Variants in RAD51AP1 observed in about 807,000 individuals in gnomAD.
RAD51AP1 encodes RAD51-associated protein 1.
In RAD51AP1, 14 loss-of-function variants were observed where a neutral mutation model predicts 34.3. The observed-to-expected ratio is 0.41, with a 90% CI of 0.27 to 0.64. The LOEUF (loss-of-function observed/expected upper bound fraction) is 0.64, where lower values mean the gene tolerates loss of function less well. RAD51AP1 is among the 30% of genes least tolerant of loss of function. The pLI, the probability that RAD51AP1 is intolerant of heterozygous loss-of-function variation, is 0.33. For missense variants in RAD51AP1, 348 were observed against 386.9 expected (o/e 0.90, Z 0.84); for synonymous variants, 114 against 129.8 (o/e 0.88, Z 0.83).
intron 2 of RAD51AP1, among the ~76,000 whole-genome samples, chr12:4,542,735 G>C (rs1944476642): frequency 6.6e-6 from 1 of 152,186 alleles, no homozygotes; most frequent in Non-Finnish European, 1.5e-5. Context: ...AGACTGCATA[G>C]ACCCTGAAAG....
chr12:4,540,036 A>C (rs1054387810), intron 1 of RAD51AP1, among the ~76,000 whole-genome samples: 1 of 152,270 alleles, frequency 6.6e-6, no homozygotes, highest in South Asian at 2.1e-4. Context: ...ATTAGTGGGC[A>C]TGGAATGGAA....
At chr12:4,554,527 G>A (rs1944569327) in intron 7 of RAD51AP1, among the ~76,000 whole-genome samples, 1 of 152,104 alleles carries the variant, frequency 6.6e-6, no homozygotes, top group Admixed American at 6.5e-5. Context: ...AATATATTTT[G>A]TATTTTCTTT....
chr12:4,539,497 G>A (rs1186878247), intron 1 of RAD51AP1, among the ~76,000 whole-genome samples: 1 of 152,152 alleles, frequency 6.6e-6, no homozygotes, highest in Non-Finnish European at 1.5e-5. Context: ...ATTTAATAAA[G>A]TTATTGAATA....
chr12:4,549,674 A>T (rs567563398), intron 6 of RAD51AP1, among the ~76,000 whole-genome samples: 1 of 152,188 alleles, frequency 6.6e-6, no homozygotes. Flanking sequence ...TTGAGCGCCA[A>T]TGTGATGCTT....
At position 4,558,927 on chromosome 12, in the gene RAD51AP1, T is replaced by G. The variant is rs1944601792; in HGVS notation, c.942T>G (p.Ser314Arg). The G allele has an allele frequency of 1.2e-6, 2 of 1,614,102 alleles. No homozygotes were observed. The highest frequency in any genetic ancestry group is 1.7e-6 in the Non-Finnish European group (2 of 1,179,976). Reference protein sequence around the residue: ...VVVSVKSPNQSLRLGLSRLAR... With the variant: ...VVVSVKSPNQRLRLGLSRLAR... Reference sequence around the variant, plus strand: ...TGTCTGTGAAGTCTCCCAATCAGAGTCTCCGCCTTGGCTTGTCCAGATTAG... The same window carrying G: ...TGTCTGTGAAGTCTCCCAATCAGAGGCTCCGCCTTGGCTTGTCCAGATTAG... The change falls in exon 9 of 9, where the codon AGT becomes AGG. Residue 314 changes from serine to arginine, a missense_variant. By Grantham distance (110) the Ser-to-Arg change is moderately radical. Transcript: ENST00000352618.
In RAD51AP1 at chr12:4,545,693, T is replaced by C. The variant is rs1944500902; in HGVS notation, c.210-616T>C. The C allele has an allele frequency of 2.8e-6, 4 of 1,422,020 alleles. No individual in the cohort carries two copies. The Admixed American group carries it at 6.0e-5, about 21-fold the overall frequency. The allele number at this position is 1,422,020 out of a possible 1,614,324, so 88.1% of individuals were successfully genotyped here. A position where few individuals can be genotyped will look rare whatever the true frequency, so the allele number is the denominator to read the frequency against. On this transcript the variant is annotated intron_variant, in intron 3 of 8. Transcript: ENST00000352618. The stretch of plus-strand genomic sequence containing the variant: ...TTCCTCTTATACTCCATAGCACTTT[T>C]GAGCAGCTTGAATAGGACTTTATAG...
chr12:4,541,781 A>G, intron 1 of RAD51AP1, 103 bp from the exon 2 acceptor site: 1 of 353,656 alleles, frequency 2.8e-6, no homozygotes, highest in Non-Finnish European at 4.9e-6. Context: ...TTATTAATAA[A>G]TGAATAATAT....
chr12:4,546,440 T>G, intron 4 of RAD51AP1, 22 bp downstream of exon 4: 1 of 1,537,130 alleles, frequency 6.5e-7, no homozygotes, highest in Non-Finnish European at 9.0e-7. Flanking sequence ...TTCTGTATAT[T>G]TAGCTTTAAA....
chr12:4,540,570 AT>A (rs1312428597), intron 1 of RAD51AP1, among the ~76,000 whole-genome samples: 4 of 151,872 alleles, frequency 2.6e-5, no homozygotes, highest in South Asian at 4.2e-4. Context: ...AAAAAAAAAA[AT>A]CATTTCAGTT....
chr12:4,548,160 G>A lies in RAD51AP1; in HGVS notation c.388G>A (p.Val130Ile). ...GTCTCCTCATATCTCTAATTGCAGT[G>A]TAGCCAGTGATTATTTAGGTAAGTT... The part of the protein sequence containing the change: ...NKSPHISNCS[V>I]ASDYLDLDKI... The change falls in exon 5 of 9, where the codon GTA becomes ATA. Residue 130 changes from valine to isoleucine, a missense_variant. Physicochemically the swap from Val to Ile is conservative, Grantham distance 29. Transcript: ENST00000352618. 2 of 1,599,834 alleles carry A rather than the reference G, an allele frequency of 1.3e-6. No homozygotes were observed. The highest frequency in any genetic ancestry group is 1.4e-5 in the African/African-American group (1 of 74,052).
chr12:4,553,142 C>A lies in RAD51AP1; in HGVS notation c.716C>A (p.Ala239Asp). 6.4e-7 allele frequency: 1 copy of A among 1,570,372 alleles called. No homozygotes were observed. The highest frequency in any genetic ancestry group is 1.2e-5 in the South Asian group (1 of 83,670). ...AAGAAATCTAAATCCAAATGTAATG[C>A]TTTGGGTAAGCTTGGTCCAAAACAC... Reference protein sequence around the residue: ...KEKKSKSKCNALVTSVDSAPA... With the variant: ...KEKKSKSKCNDLVTSVDSAPA... Residue 239 changes from alanine to aspartate, a missense_variant, in exon 7 of 9, where the codon GCT (alanine) becomes GAT (aspartate). Transcript: ENST00000352618.
intron 2 of RAD51AP1, 128 bp from the exon 3 acceptor site, chr12:4,543,635 C>A: frequency 1.6e-6 from 1 of 608,180 alleles, no homozygotes; most frequent in Non-Finnish European, 2.7e-6. Flanking sequence ...AAAATACTAA[C>A]AATGATTTTT....
At chr12:4,544,025 G>T in intron 3 of RAD51AP1, 121 bp downstream of exon 3, 3 of 754,506 alleles carry the variant, frequency 4.0e-6, no homozygotes, top group Non-Finnish European at 5.9e-6. Context: ...ATTTTACTAG[G>T]TGCAGTCAGA....
intron 7 of RAD51AP1, among the ~76,000 whole-genome samples, chr12:4,555,036 G>A (rs760674813): frequency 2.6e-5 from 4 of 152,176 alleles, no homozygotes; most frequent in Non-Finnish European, 5.9e-5. Context: ...CCATCAGACA[G>A]TGCTGATCTA....
chr12:4,545,251 T>C (rs189048617), intron 3 of RAD51AP1: 313 of 449,932 alleles, frequency 7.0e-4, no homozygotes, highest in African/African-American at 5.6e-3. Flanking sequence ...ATAACTGATA[T>C]ATACTGCAAT....
chr12:4,546,539 C>A (rs1429427549), intron 4 of RAD51AP1, 121 bp downstream of exon 4: 6 of 627,670 alleles, frequency 9.6e-6, no homozygotes, highest in African/African-American at 3.7e-5. Context: ...TATAAATAGA[C>A]CCATTTGCAG....
At chr12:4,547,917 T>A (rs1471949606) in intron 4 of RAD51AP1, among the ~76,000 whole-genome samples, 175 bp from the exon 5 acceptor site, 2 of 152,204 alleles carry the variant, frequency 1.3e-5, no homozygotes, top group Non-Finnish European at 2.9e-5. Context: ...ATGTTAGATT[T>A]CAGAGCCCAG....
chr12:4,543,244 A>G (rs2137246657), intron 2 of RAD51AP1, among the ~76,000 whole-genome samples: 1 of 152,258 alleles, frequency 6.6e-6, no homozygotes, highest in East Asian at 1.9e-4. Context: ...ATTTTTTAGT[A>G]GAGACAGGGT....
intron 1 of RAD51AP1, among the ~76,000 whole-genome samples, chr12:4,540,221 A>T (rs1490807409): frequency 6.6e-6 from 1 of 152,084 alleles, no homozygotes; most frequent in African/African-American, 2.4e-5. Flanking sequence ...GAAGGTTAGG[A>T]GGTGTGAGGG....
Sources: gnomAD v4.1 joint callset for allele counts (sites outside exome capture counted in the v4.1 genomes callset) on GRCh38, gnomAD v4.1.1 for gene constraint, MANE v1.5 for transcripts, NCBI Gene and HGNC (gene_info 2026-07-23, HGNC 2026-07-21) for gene names.